The following RGPD3 variants were observed in gnomAD, a reference collection of about 807,000 sequenced individuals.
RGPD3 encodes RANBP2 like and GRIP domain containing 3.
In RGPD3, 62 loss-of-function variants were observed where a neutral mutation model predicts 154.5. The observed-to-expected ratio is 0.40, with a 90% CI of 0.33 to 0.50. The LOEUF is 0.50. Among genes scored for constraint, RGPD3 ranks in the 20% least tolerant of loss-of-function variants. RGPD3 has a pLI of 0.59. For missense variants in RGPD3, 919 were observed against 1,716.8 expected (o/e 0.54, Z 8.21); for synonymous variants, 308 against 607.0 (o/e 0.51, Z 7.24).
chr2:106,437,517 A>G (rs543329621), intron 9 of RGPD3, among the ~76,000 whole-genome samples: 1 of 151,810 alleles, frequency 6.6e-6, no homozygotes, highest in African/African-American at 2.4e-5. Context: ...GTCTCAAAAA[A>G]AAGAAAAGAA....
chr2:106,404,013 A>C lies in RGPD3; in HGVS notation c.*1206T>G, dbSNP rs1255964163. ...ACAACACAGTTTGGATCTAGTCATT[A>C]AAACATATGCAGCGGTGTCAAAGGC... On this transcript the variant is annotated 3_prime_UTR_variant, in exon 23 of 23. Coordinates refer to ENST00000409886, the MANE Select transcript of RGPD3 (RefSeq NM_001144013.2). 2.2e-4 allele frequency among the ~76,000 whole-genome samples: 34 copies of C among 152,202 alleles called. No homozygotes were observed. The highest frequency in any genetic ancestry group is 7.7e-4 in the African/African-American group (32 of 41,424).
intron 19 of RGPD3, 76 bp from the exon 20 acceptor site, chr2:106,425,342 C>T (rs946819521): frequency 7.3e-5 from 115 of 1,585,994 alleles, no homozygotes; most frequent in Non-Finnish European, 8.9e-5. Flanking sequence ...TTCTTCATTC[C>T]TAAACAATTT....
At chr2:106,446,621 G>A (rs1345228376) in intron 7 of RGPD3, among the ~76,000 whole-genome samples, 17 of 129,084 alleles carry the variant, frequency 1.3e-4, no homozygotes, top group African/African-American at 3.4e-4. Flanking sequence ...AGTGCCTCGC[G>A]CCTGTAATCC....
intron 1 of RGPD3, among the ~76,000 whole-genome samples, chr2:106,467,089 C>G (rs1199371177): frequency 2.7e-5 from 3 of 111,536 alleles, no homozygotes; most frequent in Non-Finnish European, 3.9e-5. Context: ...CCATCGAGGC[C>G]GCCGCAGGGC....
chr2:106,423,610 C>T lies in RGPD3; in HGVS notation c.4357G>A (p.Val1453Ile), dbSNP rs768113308. ...HLAVRFKLQDVADSFKKIFDE... is the reference protein window; with the variant it reads ...HLAVRFKLQDIADSFKKIFDE... ...AAAATTTTCTTAAACGAGTCTGCAA[C>T]ATCCTGTAGTTTAAAACGAACAGCT... The change falls in exon 20 of 23, where the codon GTT (valine) becomes ATT (isoleucine). Residue 1453 changes from valine (V) to isoleucine (I), a missense_variant. Transcript: ENST00000409886. The T allele has an allele frequency of 1.0e-5, 16 of 1,591,846 alleles. No homozygotes were observed. Among genetic ancestry groups the T allele is most frequent in the Non-Finnish European group, 1.4e-5 (16 of 1,170,690 alleles).
At chr2:106,468,101 A>G in intron 1 of RGPD3, 116 bp downstream of exon 1, 1 of 1,334,356 alleles carries the variant, frequency 7.5e-7, no homozygotes, top group Non-Finnish European at 1.0e-6. Context: ...AGAGCGCGCC[A>G]GGGAGCAGCG....
chr2:106,434,362 T>C lies in RGPD3; in HGVS notation c.2071A>G (p.Lys691Glu). 6.2e-7 allele frequency: 1 copy of C among 1,611,392 alleles called. No homozygotes were observed. Among genetic ancestry groups the C allele is most frequent in the Non-Finnish European group, 8.5e-7 (1 of 1,179,620 alleles). Reference protein sequence around the residue: ...YWNLALIFHRKAEDIANDALS... With the variant: ...YWNLALIFHREAEDIANDALS... Reference sequence around the variant, plus strand: ...GCATCATTTGCAATGTCTTCTGCCTTCCTGTGAAAAATCTATACAAATAGT... The same window carrying C: ...GCATCATTTGCAATGTCTTCTGCCTCCCTGTGAAAAATCTATACAAATAGT... The change falls in exon 15 of 23, where the codon AAG becomes GAG. Residue 691 changes from lysine to glutamate, a missense_variant. By Grantham distance (56) the Lys-to-Glu change is moderately conservative (BLOSUM62 1). Transcript: ENST00000409886.
intron 9 of RGPD3, among the ~76,000 whole-genome samples, chr2:106,437,786 AAAAAAG>A (rs1677610820): frequency 6.6e-6 from 1 of 151,896 alleles, no homozygotes; most frequent in African/African-American, 2.4e-5. Flanking sequence ...ACTACTTCAT[AAAAAAG>A]ATTATATTGC....
rs1224458151 is a variant in RGPD3 at position 106,451,751 on chromosome 2, C to G, written c.782+454G>C. ...AGGAAAAAAGGTAAATCACATAGTT[C>G]AGTTATTTTGTTTCTTAGCTAAAAC... is the stretch of plus-strand genomic sequence containing the variant. On this transcript the variant is annotated intron_variant, in intron 6 of 22. Transcript: ENST00000409886. Among the ~76,000 whole-genome samples the G allele has an allele frequency of 3.5e-3, 521 of 148,166 alleles. 5 individuals are homozygous for G. Among genetic ancestry groups the G allele is most frequent in the African/African-American group, 0.012 (484 of 39,582 alleles).
chr2:106,451,104 A>AAAAAAG (rs1558857578), intron 6 of RGPD3, among the ~76,000 whole-genome samples: 5 of 146,274 alleles, frequency 3.4e-5, no homozygotes, highest in African/African-American at 1.3e-4. Context: ...AAAAAAACAA[A>AAAAAAG]AAAGAAAGAA....
intron 7 of RGPD3, among the ~76,000 whole-genome samples, chr2:106,446,634 G>C (rs1378777299): frequency 1.2e-4 from 17 of 138,612 alleles, no homozygotes; most frequent in Non-Finnish European, 7.7e-5. Flanking sequence ...TGTAATCCCA[G>C]CACTTTGGGA....
At chr2:106,464,646 C>T (rs1243832690) in intron 1 of RGPD3, among the ~76,000 whole-genome samples, 20 of 151,374 alleles carry the variant, frequency 1.3e-4, no homozygotes, top group Non-Finnish European at 8.8e-5. Flanking sequence ...GAATAAGAAA[C>T]CGACTTGACA....
rs1399696043 is a variant in RGPD3 at position 106,468,413 on chromosome 2, T to G, written c.-125A>C. 4 of 1,520,668 alleles carry G rather than the reference T, an allele frequency of 2.6e-6. No homozygotes were observed. The African/African-American group carries it at 4.2e-5, about 16-fold the overall frequency. 94.2% of individuals were successfully genotyped at this position (1,520,668 alleles called of 1,614,324 possible). Reference sequence around the variant, plus strand: ...CGGCGTAGCCGGCGGAGGACCACTGTGACGAACTTGTGTCCTGCGTCAACA... The same window carrying G: ...CGGCGTAGCCGGCGGAGGACCACTGGGACGAACTTGTGTCCTGCGTCAACA... On this transcript the variant is annotated 5_prime_UTR_variant, in exon 1 of 23. Transcript: ENST00000409886.
chr2:106,437,665 C>G (rs1305344683), intron 9 of RGPD3, among the ~76,000 whole-genome samples: 1 of 152,150 alleles, frequency 6.6e-6, no homozygotes, highest in African/African-American at 2.4e-5. Context: ...ATGGAAATAA[C>G]TTGCCATGAA....
rs1443066793 is a variant in RGPD3, at chr2:106,425,006, G to A, written c.2961C>T (p.Gly987=). The A allele has an allele frequency of 1.2e-6, 2 of 1,611,494 alleles. No homozygotes were observed. Among genetic ancestry groups the A allele is most frequent in the African/African-American group, 1.3e-5 (1 of 74,748 alleles). ...ATCCCTTGAAATTGAGGTCTTTTTT[G>A]CCAAACTGAAATCCTTCTCCTGAAG... ...KSTSGEGFQF[G]KKDLNFKGFS... is the part of the protein sequence containing the mutation. The change falls in exon 20 of 23, where the codon GGC becomes GGT. Residue 987 remains glycine, a synonymous_variant. Transcript: ENST00000409886.
chr2:106,437,407 G>T lies in RGPD3; in HGVS notation c.1277-553C>A, dbSNP rs1245604005. Among the ~76,000 whole-genome samples the T allele has an allele frequency of 1.6e-3, 243 of 149,404 alleles. 5 individuals are homozygous for T. The highest frequency in any genetic ancestry group is 1.5e-3 in the South Asian group (7 of 4,622). ...CGTGCCTATAGTCCCAGCTACATGG[G>T]AGGCTGAGGCAAGACAATTGCTTGA... On this transcript the variant is annotated intron_variant, in intron 9 of 22. Transcript: ENST00000409886.
In RGPD3 at chr2:106,404,017, C is replaced by T. The variant is rs563051900; in HGVS notation, c.*1202G>A. Among the ~76,000 whole-genome samples, 2 of 152,320 alleles carry T rather than the reference C, an allele frequency of 1.3e-5. No individual in the cohort carries two copies. Among genetic ancestry groups the T allele is most frequent in the South Asian group, 2.1e-4 (1 of 4,828 alleles). On this transcript the variant is annotated 3_prime_UTR_variant, in exon 23 of 23. Coordinates refer to ENST00000409886, the MANE Select transcript of RGPD3 (RefSeq NM_001144013.2). ...CACAGTTTGGATCTAGTCATTAAAA[C>T]ATATGCAGCGGTGTCAAAGGCAAGT...
At position 106,423,983 on chromosome 2, in the gene RGPD3, T is replaced by C. The variant is rs1416369880; in HGVS notation, c.3984A>G (p.Glu1328=). 1.9e-6 allele frequency: 3 copies of C among 1,611,832 alleles called. No homozygotes were observed. The highest frequency in any genetic ancestry group is 2.5e-6 in the Non-Finnish European group (3 of 1,179,810). Residue 1328 remains glutamate (E), a synonymous_variant, in exon 20 of 23, where the codon GAA becomes GAG. Coordinates refer to ENST00000409886, the MANE Select transcript of RGPD3 (RefSeq NM_001144013.2). ...GTTCAAAGTACTGTCCATCTCTCTC[T>C]TCTTCTTGAGTAACATCAGATTCTT... is the stretch of plus-strand genomic sequence containing the variant. ...TDEESDVTQE[E]ERDGQYFEPV... is the part of the protein sequence containing the mutation.
chr2:106,451,104 AAAAGAAAGAAAG>A (rs1161760822), intron 6 of RGPD3, among the ~76,000 whole-genome samples: 1 of 146,288 alleles, frequency 6.8e-6, no homozygotes, highest in Non-Finnish European at 1.5e-5. Flanking sequence ...AAAAAAACAA[AAAAGAAAGAAAG>A]AAAGAAAGAA....
Sources: gnomAD v4.1 joint callset for allele counts (sites outside exome capture counted in the v4.1 genomes callset) on GRCh38, gnomAD v4.1.1 for gene constraint, MANE v1.5 for transcripts, NCBI Gene and HGNC (gene_info 2026-07-23, HGNC 2026-07-21) for gene names.